The following MCM2 variants were observed in gnomAD, a reference collection of about 807,000 sequenced individuals.
MCM2 encodes the protein minichromosome maintenance complex component 2.
MCM2 carries 49 observed loss-of-function variants against 86.4 expected under a neutral mutation model. That is an observed-to-expected ratio of 0.57 (90% CI 0.45 to 0.72). MCM2 has a LOEUF of 0.72. Ranked by LOEUF, MCM2 falls within the 30% of genes least tolerant of loss-of-function variation. The pLI, the probability that MCM2 is intolerant of heterozygous loss-of-function variation, is 0.00. For missense variants in MCM2, 1,038 were observed against 1,259.9 expected (o/e 0.82, Z 2.67); for synonymous variants, 475 against 484.6 (o/e 0.98, Z 0.26).
Position 127,604,572 on chromosome 3 carries a change from T to C in MCM2, c.237-36T>C, listed in dbSNP as rs764338971. Reference sequence around the variant, plus strand: ...GGTTTGGTGCTTAGGGTTTTCCTTTTTGGCAGTAACCACATCTGTTTTGGT... The same window carrying C: ...GGTTTGGTGCTTAGGGTTTTCCTTTCTGGCAGTAACCACATCTGTTTTGGT... On this transcript the variant is annotated intron_variant, in intron 2 of 15. Coordinates refer to ENST00000265056, the MANE Select transcript of MCM2 (RefSeq NM_004526.4). The C allele has an allele frequency of 5.0e-6, 8 of 1,597,966 alleles. No individual in the cohort carries two copies. In the East Asian group the frequency reaches 1.8e-4, roughly 36 times the overall value.
chr3:127,599,839 A>C (rs1037147266), intron 2 of MCM2, among the ~76,000 whole-genome samples: 1 of 152,256 alleles, frequency 6.6e-6, no homozygotes, highest in African/African-American at 2.4e-5. Flanking sequence ...CAACTCAAAA[A>C]GACAGGAAGC....
At position 127,616,969 on chromosome 3, in the gene MCM2, C is replaced by T. The variant is rs755835919; in HGVS notation, c.1624C>T (p.Arg542Ter). The stretch of plus-strand genomic sequence containing the variant: ...CAAGTATATTGAGAAAGTGTCCAGC[C>T]GAGCCATCTTCACCACTGGCCAGGG... ...FLKYIEKVSS[R>*]AIFTTGQGAS... Residue 542 changes from arginine (R) to a stop codon, truncating the protein, a stop_gained, in exon 10 of 16, where the codon CGA (arginine) becomes TGA (stop). Transcript: ENST00000265056. LOFTEE classifies it high-confidence loss of function. 5.6e-6 allele frequency: 9 copies of T among 1,614,166 alleles called. No individual in the cohort carries two copies. Among genetic ancestry groups the T allele is most frequent in the Admixed American group, 3.3e-5 (2 of 60,024 alleles).
rs1430138431 is a variant in MCM2, at chr3:127,606,743, C to T, written c.1027C>T (p.Gln343Ter). The T allele has an allele frequency of 6.2e-7, 1 of 1,614,218 alleles. No homozygotes were observed. The highest frequency in any genetic ancestry group is 1.7e-5 in the Admixed American group (1 of 60,036). The change falls in exon 6 of 16, where the codon CAG (glutamine) becomes TAG (stop). Residue 343 changes from glutamine (Q) to a stop codon, truncating the protein, a stop_gained. Transcript: ENST00000265056. LOFTEE classifies it high-confidence loss of function. The surrounding 1 kb of genome is among the most constrained non-coding windows in gnomAD (Gnocchi z 4.2). ...NFVLGPFCQS[Q>*]NQEVKPGSCP... ...CGTCCTGGGTCCTTTCTGCCAGTCC[C>T]AGAACCAGGAGGTGAAACCAGGCTC...
intron 13 of MCM2, among the ~76,000 whole-genome samples, chr3:127,619,995 A>AT (rs1157105391): frequency 9.9e-5 from 15 of 152,152 alleles, no homozygotes; most frequent in African/African-American, 3.6e-4. Context: ...AAAAAAAAAT[A>AT]TTTTTTTAAA....
In MCM2 at chr3:127,618,108, A is replaced by G. The variant is rs764217754; in HGVS notation, c.2013+27A>G. 4 of 1,593,466 alleles carry G rather than the reference A, an allele frequency of 2.5e-6. No individual in the cohort carries two copies. In the South Asian group the frequency reaches 3.3e-5, roughly 13 times the overall value. ...TATAGCTCACATGTGCCCGGTTTCC[A>G]TGAACTGTGGTTTGGGGACCTCAGG... On this transcript the variant is annotated intron_variant, in intron 12 of 15. Transcript: ENST00000265056. The surrounding 1 kb of genome is among the most constrained non-coding windows in gnomAD (Gnocchi z 4.0).
chr3:127,610,000 G>A (rs1032414622), intron 8 of MCM2, among the ~76,000 whole-genome samples: 25 of 151,458 alleles, frequency 1.7e-4, no homozygotes, highest in African/African-American at 5.6e-4. Context: ...ACACATCACC[G>A]CACCTGACTA....
At position 127,621,068 on chromosome 3, in the gene MCM2, T is replaced by C; in HGVS notation, c.2449-5T>C. The stretch of plus-strand genomic sequence containing the variant: ...GGGTGTTTGACTGAGGCTTTTTTCC[T>C]GCAGACTTTTGCCCGCTACCTTTCA... On this transcript the variant is annotated splice_polypyrimidine_tract_variant and splice_region_variant and intron_variant, in intron 14 of 15. Transcript: ENST00000265056. 1.9e-6 allele frequency: 3 copies of C among 1,614,134 alleles called. No individual in the cohort carries two copies. The highest frequency in any genetic ancestry group is 3.3e-5 in the Admixed American group (2 of 60,032).
Position 127,606,218 on chromosome 3 carries a change from C to A in MCM2, c.774C>A (p.Ile258=). 1 of 1,614,212 alleles carries A rather than the reference C, an allele frequency of 6.2e-7. No individual in the cohort carries two copies. The change falls in exon 5 of 16, where the codon ATC becomes ATA. Residue 258 remains isoleucine (I), a synonymous_variant. Coordinates refer to ENST00000265056, the MANE Select transcript of MCM2 (RefSeq NM_004526.4). This position sits in a 1 kb window ranked among gnomAD's most constrained non-coding sequence, Gnocchi z 4.2. ...AGGCACCGGCGGAGCTGCTGCAGAT[C>A]TTTGATGAGGCTGCCCTGGAGGTGG... ...LPEAPAELLQ[I]FDEAALEVVL...
chr3:127,601,127 AAATTGAATCATATT>A (rs1458661959), intron 2 of MCM2, among the ~76,000 whole-genome samples: 1 of 152,166 alleles, frequency 6.6e-6, no homozygotes, highest in African/African-American at 2.4e-5. Flanking sequence ...CATTTCATAT[AAATTGAATCATATT>A]ATATATGCAC....
In MCM2 at chr3:127,600,422, A is replaced by ATT. The variant is rs17538440; in HGVS notation, c.236+876_236+877dup. On this transcript the variant is annotated intron_variant, in intron 2 of 15. Transcript: ENST00000265056. ...TCTGGTAGATAACGTCAGTAGCGGA[A>ATT]TTGTGTGAATGCCCAGGAGCCTCGT... 3.3e-3 allele frequency among the ~76,000 whole-genome samples: 498 copies of ATT among 152,296 alleles called. 4 individuals carry two copies. Among genetic ancestry groups the ATT allele is most frequent in the Middle Eastern group, 0.02 (6 of 294 alleles).
Position 127,604,974 on chromosome 3 carries a change from A to C in MCM2, c.491A>C (p.Asp164Ala). 6.2e-7 allele frequency: 1 copy of C among 1,613,888 alleles called. No homozygotes were observed. Among genetic ancestry groups the C allele is most frequent in the African/African-American group, 1.3e-5 (1 of 75,062 alleles). ...CGGGCCACGGAGGACGGCGAGGAGG[A>C]CGAGGAGATGATCGAGAGCATCGAG... ...VERATEDGEE[D>A]EEMIESIENL... The change falls in exon 4 of 16, where the codon GAC becomes GCC. Residue 164 changes from aspartate (D) to alanine (A), a missense_variant. Around this residue, in one of 4 missense-constraint regions of MCM2, gnomAD observed 300 missense variants for 307.4 expected, o/e 0.98. Transcript: ENST00000265056.
Position 127,615,261 on chromosome 3 carries a change from A to G in MCM2, c.1429-601A>G, listed in dbSNP as rs74732788. Among the ~76,000 whole-genome samples, 132 of 152,300 alleles carry G rather than the reference A, an allele frequency of 8.7e-4. No individual in the cohort carries two copies. The East Asian group carries it at 0.022, about 25-fold the overall frequency. On this transcript the variant is annotated intron_variant, in intron 8 of 15. Coordinates refer to ENST00000265056, the MANE Select transcript of MCM2 (RefSeq NM_004526.4). Reference sequence around the variant, plus strand: ...TTGGAAGCAGTCTCCTACAAGCAAGAAATGTCTTTGATGTCTCTAATTCTA... The same window carrying G: ...TTGGAAGCAGTCTCCTACAAGCAAGGAATGTCTTTGATGTCTCTAATTCTA...
At chr3:127,615,233 G>T (rs1250780918) in intron 8 of MCM2, among the ~76,000 whole-genome samples, 3 of 152,190 alleles carry the variant, frequency 2.0e-5, no homozygotes, top group Non-Finnish European at 4.4e-5. Context: ...GCTGCAGGTG[G>T]AGTTGGAAGC....
At chr3:127,612,689 C>T (rs967185073) in intron 8 of MCM2, among the ~76,000 whole-genome samples, 1 of 152,132 alleles carries the variant, frequency 6.6e-6, no homozygotes, top group South Asian at 2.1e-4. Flanking sequence ...CAGGTGGGTG[C>T]TTTTTCTCCG....
In MCM2 at chr3:127,606,412, A is replaced by G. The variant is rs1411609731; in HGVS notation, c.893+75A>G. 2 of 1,474,406 alleles carry G rather than the reference A, an allele frequency of 1.4e-6. No homozygotes were observed. Among genetic ancestry groups the G allele is most frequent in the Non-Finnish European group, 1.9e-6 (2 of 1,067,780 alleles). 91.3% of individuals were successfully genotyped at this position (1,474,406 alleles called of 1,614,324 possible). A position where few individuals can be genotyped will look rare whatever the true frequency, so the allele number is the denominator to read the frequency against. ...ACTCGGTCGTGATTCCTGAAGAGCG[A>G]TTGTGGTGTGGGCGGGGAGGGTGCA... On this transcript the variant is annotated intron_variant, in intron 5 of 15. Coordinates refer to ENST00000265056, the MANE Select transcript of MCM2 (RefSeq NM_004526.4). The surrounding 1 kb of genome is among the most constrained non-coding windows in gnomAD (Gnocchi z 4.2).
chr3:127,606,929 A>G lies in MCM2; in HGVS notation c.1101+112A>G. 1 of 1,074,860 alleles carries G rather than the reference A, an allele frequency of 9.3e-7. No individual in the cohort carries two copies. Among genetic ancestry groups the G allele is most frequent in the South Asian group, 1.4e-5 (1 of 71,570 alleles). The allele number at this position is 1,074,860 out of a possible 1,614,324, so 66.6% of individuals were successfully genotyped here. On this transcript the variant is annotated intron_variant, in intron 6 of 15. Transcript: ENST00000265056. The surrounding 1 kb of genome is among the most constrained non-coding windows in gnomAD (Gnocchi z 4.2). ...CCAGTGTGGGCAGCCGCAAGAAGCA[A>G]GATAGAATTGTGTGTTGGCCACACC...
rs192022573 is a variant in MCM2 at position 127,621,539 on chromosome 3, C to T, written c.2605-124C>T. The T allele has an allele frequency of 8.0e-4, 540 of 676,120 alleles. 3 individuals carry two copies. Among genetic ancestry groups the T allele is most frequent in the African/African-American group, 7.9e-3 (442 of 56,020 alleles). The allele number at this position is 676,120 out of a possible 1,614,324, so 41.9% of individuals were successfully genotyped here. On this transcript the variant is annotated intron_variant, in intron 15 of 15. Coordinates refer to ENST00000265056, the MANE Select transcript of MCM2 (RefSeq NM_004526.4). ...TGAAGCCCCTTAATCGGCCTCTCCACCCCTGGATATTTTCCTCCCATAAAT... is the reference window on the plus strand; with the variant it reads ...TGAAGCCCCTTAATCGGCCTCTCCATCCCTGGATATTTTCCTCCCATAAAT...
In MCM2 at chr3:127,619,263, G is replaced by A. The variant is rs779526379; in HGVS notation, c.2250G>A (p.Leu750=). 6.2e-7 allele frequency: 1 copy of A among 1,613,566 alleles called. No homozygotes were observed. The highest frequency in any genetic ancestry group is 1.3e-5 in the African/African-American group (1 of 74,944). Reference sequence around the variant, plus strand: ...AGGTGGCCAAGATGTACAGTGACCTGAGGAAAGAATCTATGGTGAGAGCCC... The same window carrying A: ...AGGTGGCCAAGATGTACAGTGACCTAAGGAAAGAATCTATGGTGAGAGCCC... ...QDKVAKMYSD[L]RKESMATGSI... Residue 750 remains leucine, a synonymous_variant, in exon 13 of 16, where the codon CTG becomes CTA. Transcript: ENST00000265056.
intron 8 of MCM2, among the ~76,000 whole-genome samples, chr3:127,613,459 TC>T (rs769452147): frequency 1.3e-5 from 2 of 152,206 alleles, no homozygotes; most frequent in African/African-American, 2.4e-5. Context: ...ATAGCAATGT[TC>T]CTGTGAGGTT....
Sources: gnomAD v4.1 joint callset for allele counts (sites outside exome capture counted in the v4.1 genomes callset) on GRCh38, gnomAD v4.1.1 for gene constraint, gnomAD v4.1.1 regional missense constraint, Gnocchi (gnomAD v3.1) non-coding constraint, MANE v1.5 for transcripts, NCBI Gene and HGNC (gene_info 2026-07-23, HGNC 2026-07-21) for gene names.